Variants in BPTF observed in about 807,000 individuals in gnomAD.
The protein encoded by BPTF is nucleosome-remodeling factor subunit BPTF.
In BPTF, 18 loss-of-function variants were observed where a neutral mutation model predicts 292.5. That is an observed-to-expected ratio of 0.06 (90% CI 0.04 to 0.09). The LOEUF (loss-of-function observed/expected upper bound fraction) is 0.09, where lower values mean the gene tolerates loss of function less well. Among genes scored for constraint, BPTF ranks in the 10% least tolerant of loss-of-function variants. The pLI is 1.00. For missense variants in BPTF, 2,726 were observed against 3,498.7 expected, an observed-to-expected ratio of 0.78 and a Z score of 5.57; for synonymous variants, 1,225 against 1,251.9, an observed-to-expected ratio of 0.98 and a Z score of 0.45.
At chr17:67,924,407 G>A (rs1309374463) in intron 14 of BPTF, 140 bp from the exon 15 acceptor site, 22 of 887,594 alleles carry the variant, frequency 2.5e-5, no homozygotes, top group Non-Finnish European at 3.4e-5. Context: ...GAGCCACCTC[G>A]CACAACCAAA....
intron 19 of BPTF, among the ~76,000 whole-genome samples, chr17:67,943,697 G>A (rs1317088385): frequency 6.6e-6 from 1 of 152,104 alleles, no homozygotes; most frequent in African/African-American, 2.4e-5. Flanking sequence ...GAGTTTCTTA[G>A]TTGGGAATCA....
intron 7 of BPTF, among the ~76,000 whole-genome samples, chr17:67,896,748 C>T (rs2061479499): frequency 6.6e-6 from 1 of 152,138 alleles, no homozygotes; most frequent in East Asian, 1.9e-4. Flanking sequence ...ACATTTTGAT[C>T]TGGATGTTCA....
chr17:67,907,634 G>A (rs1163897110), intron 9 of BPTF, among the ~76,000 whole-genome samples: 1 of 152,166 alleles, frequency 6.6e-6, no homozygotes, highest in Non-Finnish European at 1.5e-5. Context: ...GGGATTACAG[G>A]TGTGAGTCAC....
intron 2 of BPTF, among the ~76,000 whole-genome samples, chr17:67,862,061 C>T (rs1371135967): frequency 5.9e-5 from 9 of 152,170 alleles, no homozygotes; most frequent in Non-Finnish European, 1.2e-4. Context: ...CTGCAACCTC[C>T]GCCTCCCAGG....
chr17:67,858,571 A>T (rs2058865973), intron 2 of BPTF, among the ~76,000 whole-genome samples: 1 of 147,714 alleles, frequency 6.8e-6, no homozygotes, highest in Admixed American at 6.6e-5. Context: ...AAAAAAAAAA[A>T]AAAAAAAGTT....
At chr17:67,869,279 A>C (rs1040417286) in intron 3 of BPTF, among the ~76,000 whole-genome samples, 26 of 152,218 alleles carry the variant, frequency 1.7e-4, no homozygotes, top group Non-Finnish European at 3.7e-4. Context: ...CAGAATAAAA[A>C]ATAGAAAAAA....
chr17:67,879,579 A>G (rs1174638060), intron 4 of BPTF, among the ~76,000 whole-genome samples: 2 of 152,210 alleles, frequency 1.3e-5, no homozygotes, highest in Non-Finnish European at 2.9e-5. Context: ...GTAAAGGAGT[A>G]TCTAAGGCTG....
At chr17:67,826,967 A>C (rs1179894722) in intron 1 of BPTF, among the ~76,000 whole-genome samples, 1 of 152,178 alleles carries the variant, frequency 6.6e-6, no homozygotes, top group African/African-American at 2.4e-5. Context: ...TTCGAGTGCT[A>C]ATGGGCCCGT....
chr17:67,839,192 G>T (rs1215452629), intron 1 of BPTF, among the ~76,000 whole-genome samples: 1 of 151,944 alleles, frequency 6.6e-6, no homozygotes, highest in African/African-American at 2.4e-5. Flanking sequence ...AATGTTAAAT[G>T]TTAGTTATAA....
chr17:67,929,263 T>G (rs1256407901), intron 16 of BPTF, 73 bp from the exon 17 acceptor site: 1 of 1,571,240 alleles, frequency 6.4e-7, no homozygotes, highest in East Asian at 2.2e-5. Context: ...TAGTTTCTCC[T>G]CAGCAACCGA....
intron 26 of BPTF, among the ~76,000 whole-genome samples, chr17:67,968,039 A>G (rs1396495618): frequency 7.0e-6 from 1 of 143,422 alleles, no homozygotes; most frequent in African/African-American, 2.5e-5. Context: ...CATTTCCCAG[A>G]AAAAAAAATG....
intron 5 of BPTF, among the ~76,000 whole-genome samples, chr17:67,892,961 A>G (rs189153016): frequency 5.9e-5 from 9 of 152,282 alleles, no homozygotes; most frequent in African/African-American, 2.2e-4. Context: ...AAGGACCCGA[A>G]AGGATGTTTT....
At chr17:67,936,364 A>T (rs1385347992) in intron 18 of BPTF, among the ~76,000 whole-genome samples, 1 of 152,234 alleles carries the variant, frequency 6.6e-6, no homozygotes, top group East Asian at 1.9e-4. Context: ...AAGAGAACTA[A>T]TATAAAGGAG....
At chr17:67,895,332 CAAAAAAAAA>C (rs35234780) in intron 7 of BPTF, among the ~76,000 whole-genome samples, 2 of 56,648 alleles carry the variant, frequency 3.5e-5, no homozygotes, top group Admixed American at 2.5e-4. Context: ...GACTTCATCT[CAAAAAAAAA>C]AAAAAAAAAA....
chr17:67,887,515 A>G (rs2060823938), intron 4 of BPTF, among the ~76,000 whole-genome samples: 1 of 152,124 alleles, frequency 6.6e-6, no homozygotes. Context: ...AAGAATATAT[A>G]TATGTTTTAT....
chr17:67,931,569 AT>A (rs1354253712), intron 17 of BPTF, among the ~76,000 whole-genome samples: 3 of 152,214 alleles, frequency 2.0e-5, no homozygotes, highest in Non-Finnish European at 4.4e-5. Flanking sequence ...GGTTACAGGT[AT>A]GGTCTGGAGC....
At chr17:67,867,406 T>A (rs1380166308) in intron 3 of BPTF, among the ~76,000 whole-genome samples, 1 of 152,216 alleles carries the variant, frequency 6.6e-6, no homozygotes, top group African/African-American at 2.4e-5. Context: ...AGTAGAGGGT[T>A]TCCATATATC....
At chr17:67,981,286 T>C (rs1555696541) in intron 27 of BPTF, 3 of 189,368 alleles carry the variant, frequency 1.6e-5, no homozygotes. Context: ...TAGCCAGTTA[T>C]TGAAAATTGA....
rs1555671595 is a variant in BPTF, at chr17:67,940,711, G to T, written c.6477+55G>T. 6 of 1,540,698 alleles carry T rather than the reference G, an allele frequency of 3.9e-6. No individual in the cohort carries two copies. In the Admixed American group the frequency reaches 5.4e-5, roughly 14 times the overall value. On this transcript the variant is annotated intron_variant, in intron 19 of 27. Transcript: ENST00000306378. ...AGAGGTGATCTTATTTATTCTTGCG[G>T]TAAGTTTAAAAACATGAACTTATTT...
Sources: allele counts gnomAD v4.1 joint callset (sites outside exome capture counted in the v4.1 genomes callset), GRCh38; gene constraint gnomAD v4.1.1; transcripts MANE v1.5; gene names NCBI Gene and HGNC (gene_info 2026-07-23, HGNC 2026-07-21).